DLGAP2: variants seen among roughly 807,000 people sequenced by gnomAD.
DLGAP2 encodes the protein DLG associated protein 2.
DLGAP2 carries 26 observed loss-of-function variants against 100.3 expected under a neutral mutation model. The ratio of observed to expected loss-of-function variants is 0.26; its 90% confidence interval spans 0.19 to 0.36. The LOEUF (loss-of-function observed/expected upper bound fraction) is 0.36. Ranked by LOEUF, DLGAP2 falls within the 10% of genes least tolerant of loss-of-function variation. The pLI is 1.00. For synonymous variants in DLGAP2, 886 were observed against 630.1 expected (o/e 1.41, Z -6.08); for missense variants, 1,858 against 1,453.2 (o/e 1.28, Z -4.53).
intron 8 of DLGAP2, among the ~76,000 whole-genome samples, chr8:1,666,016 C>T (rs561391923): frequency 5.9e-4 from 90 of 152,292 alleles, no homozygotes; most frequent in Non-Finnish European, 1.0e-3. Flanking sequence ...AGTGTTTAAA[C>T]GGACCTCATC....
At chr8:1,091,700 G>C (rs1298999056) in intron 2 of DLGAP2, among the ~76,000 whole-genome samples, 1 of 152,116 alleles carries the variant, frequency 6.6e-6, no homozygotes, top group Non-Finnish European at 1.5e-5. Context: ...CAGTTCTTGT[G>C]GGTGGACGTC....
At chr8:1,329,802 C>G (rs1801107272) in intron 3 of DLGAP2, among the ~76,000 whole-genome samples, 1 of 152,218 alleles carries the variant, frequency 6.6e-6, no homozygotes, top group Non-Finnish European at 1.5e-5. Flanking sequence ...TGAGCCCTAT[C>G]AAACTGGGGC....
At chr8:1,550,517 G>C (rs2130523133) in intron 5 of DLGAP2, among the ~76,000 whole-genome samples, 1 of 152,240 alleles carries the variant, frequency 6.6e-6, no homozygotes, top group African/African-American at 2.4e-5. Flanking sequence ...GAGAGCTGAT[G>C]GACCGGCCTA....
At chr8:1,407,458 C>A (rs1796596104) in intron 3 of DLGAP2, among the ~76,000 whole-genome samples, 1 of 145,024 alleles carries the variant, frequency 6.9e-6, no homozygotes, top group East Asian at 2.4e-4. Flanking sequence ...TTACTGAGCG[C>A]CACCTCCTCA....
chr8:1,542,595 A>G (rs1386553850), intron 4 of DLGAP2, among the ~76,000 whole-genome samples: 1 of 152,138 alleles, frequency 6.6e-6, no homozygotes. Flanking sequence ...ATTGCTGAAA[A>G]CATTTCCATT....
At chr8:1,130,060 G>A (rs539943592) in intron 2 of DLGAP2, among the ~76,000 whole-genome samples, 3 of 151,852 alleles carry the variant, frequency 2.0e-5, no homozygotes, top group Non-Finnish European at 4.4e-5. Flanking sequence ...GATCATGTCG[G>A]GCACTTCACG....
intron 1 of DLGAP2, among the ~76,000 whole-genome samples, chr8:811,385 C>A (rs1457322466): frequency 1.3e-5 from 2 of 150,164 alleles, no homozygotes; most frequent in Non-Finnish European, 3.0e-5. Context: ...CAGGAACTAT[C>A]TGGGGGCCCA....
intron 2 of DLGAP2, among the ~76,000 whole-genome samples, chr8:1,251,411 A>T (rs191483772): frequency 1.2e-4 from 18 of 152,312 alleles, no homozygotes; most frequent in African/African-American, 4.3e-4. Context: ...ATTTGAGCAG[A>T]TAAGATTCCA....
At chr8:899,765 T>G (rs548819720) in intron 1 of DLGAP2, among the ~76,000 whole-genome samples, 1 of 152,346 alleles carries the variant, frequency 6.6e-6, no homozygotes, top group Middle Eastern at 3.4e-3. Context: ...ATATTAATGT[T>G]CTTGACACTC....
intron 3 of DLGAP2, among the ~76,000 whole-genome samples, chr8:1,266,972 T>G (rs35313323): frequency 0.29 from 44,530 of 151,786 alleles, 7,086 homozygotes; most frequent in African/African-American, 0.4. Flanking sequence ...CTCACGCCTA[T>G]AATCCCAGCA....
At chr8:1,058,232 G>A (rs10503156) in intron 2 of DLGAP2, among the ~76,000 whole-genome samples, 25,363 of 152,046 alleles carry the variant, frequency 0.17, 2,778 homozygotes, top group Non-Finnish European at 0.25. Context: ...AGTGAGTCTT[G>A]ATTTCAGCAT....
chr8:1,068,494 G>A (rs1803325346), intron 2 of DLGAP2, among the ~76,000 whole-genome samples: 1 of 152,180 alleles, frequency 6.6e-6, no homozygotes, highest in Non-Finnish European at 1.5e-5. Context: ...CTTGCTCAGT[G>A]GTGTGCAGGG....
intron 1 of DLGAP2, among the ~76,000 whole-genome samples, chr8:812,634 T>C (rs1796393313): frequency 6.6e-6 from 1 of 152,194 alleles, no homozygotes; most frequent in African/African-American, 2.4e-5. Context: ...TAGAGTAATA[T>C]ATTATAAACT....
At chr8:1,030,977 A>G (rs1043047613) in intron 2 of DLGAP2, among the ~76,000 whole-genome samples, 1 of 152,192 alleles carries the variant, frequency 6.6e-6, no homozygotes, top group Admixed American at 6.5e-5. Flanking sequence ...GAAACTGGCC[A>G]GTTGTTTTCA....
intron 2 of DLGAP2, among the ~76,000 whole-genome samples, chr8:1,210,990 C>T (rs568304559): frequency 8.5e-5 from 13 of 152,362 alleles, no homozygotes; most frequent in Middle Eastern, 3.4e-3. Flanking sequence ...AGCGAGGCTG[C>T]GGCTGTCTTT....
intron 3 of DLGAP2, among the ~76,000 whole-genome samples, chr8:1,287,153 T>TGC (rs1799940384): frequency 2.3e-5 from 3 of 127,826 alleles, no homozygotes; most frequent in Non-Finnish European, 3.5e-5. Flanking sequence ...TGTGTGTGTG[T>TGC]GTGTGCGCGC....
chr8:1,199,946 C>CA (rs1554501703), intron 2 of DLGAP2, among the ~76,000 whole-genome samples: 1 of 151,672 alleles, frequency 6.6e-6, no homozygotes, highest in Non-Finnish European at 1.5e-5. Flanking sequence ...TTCCCCCCCA[C>CA]AACCCCCCGC....
At chr8:1,197,544 C>G (rs921264635) in intron 2 of DLGAP2, among the ~76,000 whole-genome samples, 2 of 152,332 alleles carry the variant, frequency 1.3e-5, no homozygotes, top group African/African-American at 4.8e-5. Context: ...TAAACCTGAG[C>G]TACACCAACA....
At chr8:848,834 G>A (rs1285063953) in intron 1 of DLGAP2, among the ~76,000 whole-genome samples, 2 of 152,024 alleles carry the variant, frequency 1.3e-5, no homozygotes, top group African/African-American at 4.8e-5. Flanking sequence ...TTCCAGTCTA[G>A]GATCTTGTGA....
Sources: gnomAD v4.1 joint callset for allele counts (sites outside exome capture counted in the v4.1 genomes callset) on GRCh38, gnomAD v4.1.1 for gene constraint, MANE v1.5 for transcripts, NCBI Gene and HGNC (gene_info 2026-07-23, HGNC 2026-07-21) for gene names.